Variants in PTPN20 observed in about 807,000 individuals in gnomAD.
The protein encoded by PTPN20 is protein tyrosine phosphatase non-receptor type 20.
In PTPN20, 9 loss-of-function variants were observed where a neutral mutation model predicts 35.0. The ratio of observed to expected loss-of-function variants is 0.26; its 90% CI spans 0.15 to 0.45. The LOEUF is 0.45. PTPN20 is among the 20% of genes least tolerant of loss of function. The probability of loss-of-function intolerance (pLI) is 1.00; values close to 1 mark genes in which losing one functional copy is unlikely to be tolerated. For missense variants in PTPN20, 111 were observed against 312.5 expected (o/e 0.36, Z 4.86); for synonymous variants, 32 against 100.2 (o/e 0.32, Z 4.06).
At position 46,949,139 on chromosome 10, in the gene PTPN20, C is replaced by A. The variant is rs1416016682; in HGVS notation, c.340+2464C>A. Reference sequence around the variant, plus strand: ...CTGGGAGAAATAGGTCTAAGTGGGGCTTTACGCATTTTCGACCATGACAGT... The same window carrying A: ...CTGGGAGAAATAGGTCTAAGTGGGGATTTACGCATTTTCGACCATGACAGT... On this transcript the variant is annotated intron_variant, in intron 5 of 10. Coordinates refer to ENST00000374339, the MANE Select transcript of PTPN20 (RefSeq NM_001042357.5). 8.9e-4 allele frequency among the ~76,000 whole-genome samples: 135 copies of A among 152,126 alleles called. 1 individual carries two copies. In the South Asian group the frequency reaches 0.018, roughly 20 times the overall value.
chr10:46,972,337 C>T (rs1329363325), intron 7 of PTPN20, among the ~76,000 whole-genome samples: 22 of 152,012 alleles, frequency 1.4e-4, no homozygotes, highest in African/African-American at 4.8e-4. Context: ...AAATGATATT[C>T]ACCATTGTAA....
intron 3 of PTPN20, among the ~76,000 whole-genome samples, chr10:46,941,955 C>T (rs1175185589): frequency 1.3e-5 from 1 of 74,298 alleles, no homozygotes; most frequent in African/African-American, 6.9e-5. Flanking sequence ...GACTCATAGA[C>T]TTGAAGTTGG....
Position 47,000,663 on chromosome 10 carries a change from T to A in PTPN20, c.1198-13T>A. 1 of 1,612,900 alleles carries A rather than the reference T, an allele frequency of 6.2e-7. No homozygotes were observed. Among genetic ancestry groups the A allele is most frequent in the Admixed American group, 1.7e-5 (1 of 59,962 alleles). On this transcript the variant is annotated splice_polypyrimidine_tract_variant and intron_variant, in intron 10 of 10. Coordinates refer to ENST00000374339, the MANE Select transcript of PTPN20 (RefSeq NM_001042357.5). ...ACTTAACATTCTGTTGTTTTTTATA[T>A]ATATGTATATAGGAGCAGTATCACT...
chr10:46,983,046 G>T (rs2055944055), intron 7 of PTPN20, among the ~76,000 whole-genome samples: 1 of 149,154 alleles, frequency 6.7e-6, no homozygotes, highest in Non-Finnish European at 1.5e-5. Context: ...TGAAATACCG[G>T]GTATCTTTAT....
intron 1 of PTPN20, among the ~76,000 whole-genome samples, chr10:46,917,562 G>A (rs1347376730): frequency 2.2e-5 from 3 of 137,322 alleles, no homozygotes; most frequent in African/African-American, 3.3e-5. Flanking sequence ...GGATATTGGT[G>A]TATAAAGATA....
At chr10:46,995,336 T>TC (rs1398213192) in intron 9 of PTPN20, among the ~76,000 whole-genome samples, 12 of 145,294 alleles carry the variant, frequency 8.3e-5, no homozygotes, top group Non-Finnish European at 1.5e-4. Flanking sequence ...TTTTTTTCTT[T>TC]TTTTTTTTTT....
At chr10:46,999,143 TA>T (rs1398997505) in intron 9 of PTPN20, among the ~76,000 whole-genome samples, 2 of 152,208 alleles carry the variant, frequency 1.3e-5, no homozygotes, top group Non-Finnish European at 1.5e-5. Context: ...ATTTTAATTA[TA>T]AAAATGATAA....
At chr10:46,941,067 AT>A (rs1331259107) in intron 3 of PTPN20, among the ~76,000 whole-genome samples, 13 of 151,240 alleles carry the variant, frequency 8.6e-5, no homozygotes, top group Non-Finnish European at 1.5e-4. Context: ...TCTCCGAACT[AT>A]GGAAAAGTAG....
At chr10:46,911,757 C>G in intron 1 of PTPN20, 12 of 80,018 alleles carry the variant, frequency 1.5e-4, no homozygotes, top group South Asian at 1.1e-3. Flanking sequence ...GGCGCCTATG[C>G]GAGACGGGAC....
At position 47,002,056 on chromosome 10, in the gene PTPN20, AT is replaced by A. The variant is rs1367754853; in HGVS notation, c.*1318del. The A allele has an allele frequency of 6.6e-6, 1 of 152,052 alleles. No individual in the cohort carries two copies. The highest frequency in any genetic ancestry group is 1.5e-5 in the Non-Finnish European group (1 of 67,936). The allele number at this position is 152,052 out of a possible 1,614,324, so 9.4% of individuals were successfully genotyped here. On this transcript the variant is annotated 3_prime_UTR_variant, in exon 11 of 11. Coordinates refer to ENST00000374339, the MANE Select transcript of PTPN20 (RefSeq NM_001042357.5). ...TTTGTTCTTTTGGCTGAATGAGTAT[AT>A]TTGAATTGGTTGAATAATTAATAAT...
intron 7 of PTPN20, among the ~76,000 whole-genome samples, chr10:46,983,817 C>T (rs1424254853): frequency 4.2e-5 from 6 of 143,198 alleles, no homozygotes; most frequent in Non-Finnish European, 6.0e-5. Flanking sequence ...TCTGGGTTTG[C>T]AGGTTTCAGA....
At chr10:46,941,684 A>G (rs1555136393) in intron 3 of PTPN20, among the ~76,000 whole-genome samples, 2 of 147,246 alleles carry the variant, frequency 1.4e-5, no homozygotes, top group Non-Finnish European at 3.0e-5. Context: ...TTATATTTTT[A>G]CTTTGGGTTT....
chr10:46,937,955 T>C (rs1169664204), intron 2 of PTPN20, among the ~76,000 whole-genome samples: 10 of 148,602 alleles, frequency 6.7e-5, no homozygotes, highest in South Asian at 2.1e-4. Flanking sequence ...CTTTTCTTTT[T>C]TTTTTTTTTT....
intron 9 of PTPN20, among the ~76,000 whole-genome samples, chr10:46,993,293 A>G (rs1589963732): frequency 6.6e-6 from 1 of 152,184 alleles, no homozygotes; most frequent in Non-Finnish European, 1.5e-5. Context: ...CCCAAGGGGA[A>G]CCCTGGCAGC....
At chr10:46,953,117 CTT>C (rs2047198287) in intron 5 of PTPN20, among the ~76,000 whole-genome samples, 1 of 142,066 alleles carries the variant, frequency 7.0e-6, no homozygotes, top group Non-Finnish European at 1.5e-5. Context: ...GTAAATGAGA[CTT>C]ATGAAAAATA....
chr10:46,948,225 C>A (rs1289777444), intron 5 of PTPN20, among the ~76,000 whole-genome samples: 1 of 152,048 alleles, frequency 6.6e-6, no homozygotes, highest in Non-Finnish European at 1.5e-5. Context: ...CTTACAGATT[C>A]CGTCTCTGTT....
intron 3 of PTPN20, among the ~76,000 whole-genome samples, chr10:46,940,962 A>G (rs1415976424): frequency 2.6e-5 from 4 of 151,826 alleles, no homozygotes; most frequent in Non-Finnish European, 5.9e-5. Context: ...TGTGTTACTA[A>G]TGAAGATACA....
intron 1 of PTPN20, among the ~76,000 whole-genome samples, chr10:46,923,093 A>G (rs1407598873): frequency 6.9e-6 from 1 of 144,320 alleles, no homozygotes; most frequent in African/African-American, 2.9e-5. Flanking sequence ...TACAGTAAGG[A>G]TATGACTTTT....
rs1441164565 is a variant in PTPN20, at chr10:46,940,611, G to A, written c.35-12G>A. On this transcript the variant is annotated splice_polypyrimidine_tract_variant and intron_variant, in intron 2 of 10. Coordinates refer to ENST00000374339, the MANE Select transcript of PTPN20 (RefSeq NM_001042357.5). ...TTCTATTTGATCAGTTTTTCCCCCC[G>A]CCTTTGTTCAGTAAACGATTATGAG... 3.9e-4 allele frequency: 620 copies of A among 1,606,696 alleles called. 3 individuals are homozygous for A. Among genetic ancestry groups the A allele is most frequent in the South Asian group, 2.3e-3 (210 of 90,820 alleles).
Sources: allele counts gnomAD v4.1 joint callset (sites outside exome capture counted in the v4.1 genomes callset), GRCh38; gene constraint gnomAD v4.1.1; transcripts MANE v1.5; gene names NCBI Gene and HGNC (gene_info 2026-07-23, HGNC 2026-07-21).